Variants in TTC23 observed in about 807,000 individuals in gnomAD.
TTC23 encodes tetratricopeptide repeat protein 23.
A neutral mutation model predicts 55.1 loss-of-function variants in TTC23; 58 were observed. The ratio of observed to expected loss-of-function variants is 1.05; its 90% CI spans 0.85 to 1.31. The LOEUF (loss-of-function observed/expected upper bound fraction) is 1.31. Ranked by LOEUF, TTC23 falls within the 50% of genes most tolerant of loss-of-function variation. The probability of loss-of-function intolerance (pLI) is 0.00; values close to 1 mark genes in which losing one functional copy is unlikely to be tolerated. For missense variants in TTC23, 516 were observed against 534.4 expected (o/e 0.97, Z 0.34); for synonymous variants, 203 against 199.9 (o/e 1.02, Z -0.13).
At chr15:99,149,851 G>A (rs2069464876) in intron 12 of TTC23, among the ~76,000 whole-genome samples, 1 of 152,220 alleles carries the variant, frequency 6.6e-6, no homozygotes, top group African/African-American at 2.4e-5. Context: ...CCCACTGGGA[G>A]CCAGCAGTGA....
chr15:99,229,126 T>A lies in TTC23; in HGVS notation c.-20-394A>T, dbSNP rs773586935. Among the ~76,000 whole-genome samples, 5 of 150,786 alleles carry A rather than the reference T, an allele frequency of 3.3e-5. No individual in the cohort carries two copies. In the South Asian group the frequency reaches 8.4e-4, roughly 25 times the overall value. ...AGTAGAAATTAGCCTAGCACATACA[T>A]ATGTATTTGCATGTACATATATATA... On this transcript the variant is annotated intron_variant, in intron 4 of 13. Coordinates refer to ENST00000394132, the MANE Select transcript of TTC23 (RefSeq NM_001288615.3).
At chr15:99,250,784 C>T (rs185900100), upstream of TTC23, among the ~76,000 whole-genome samples, 1 of 152,110 alleles carries the variant, frequency 6.6e-6, no homozygotes, top group African/African-American at 2.4e-5. Flanking sequence ...TCAAAATAAA[C>T]CTTGGGTGTT....
chr15:99,174,422 T>C (rs951254058), intron 10 of TTC23, among the ~76,000 whole-genome samples: 3 of 151,574 alleles, frequency 2.0e-5, no homozygotes, highest in South Asian at 2.1e-4. Flanking sequence ...CACCCCTAGG[T>C]CTTCTTTATG....
intron 10 of TTC23, among the ~76,000 whole-genome samples, chr15:99,166,459 G>A (rs536121287): frequency 4.0e-4 from 61 of 152,174 alleles, no homozygotes; most frequent in Non-Finnish European, 4.9e-4. Context: ...CGGACGCCCA[G>A]TCATATTTTC....
chr15:99,247,892 T>C (rs913806039), intron 1 of TTC23, among the ~76,000 whole-genome samples: 2 of 152,174 alleles, frequency 1.3e-5, no homozygotes, highest in South Asian at 4.1e-4. Flanking sequence ...CATTGAGTTA[T>C]ATCCTTAAGA....
intron 4 of TTC23, among the ~76,000 whole-genome samples, chr15:99,231,501 T>G (rs1006865103): frequency 1.3e-5 from 2 of 151,012 alleles, no homozygotes; most frequent in African/African-American, 2.4e-5. Flanking sequence ...CTTAATTTTG[T>G]TTTTTTTTGA....
At chr15:99,214,549 C>A (rs2077303064) in intron 8 of TTC23, among the ~76,000 whole-genome samples, 2 of 150,170 alleles carry the variant, frequency 1.3e-5, no homozygotes, top group African/African-American at 4.9e-5. Flanking sequence ...CCTCAGTCTC[C>A]TGAGTAGCTA....
At chr15:99,184,381 G>C (rs904181883) in intron 9 of TTC23, among the ~76,000 whole-genome samples, 1 of 152,218 alleles carries the variant, frequency 6.6e-6, no homozygotes. Flanking sequence ...CCAAGAGGGG[G>C]GTTGTACCCT....
chr15:99,179,871 G>A (rs2073952517), intron 9 of TTC23, among the ~76,000 whole-genome samples: 1 of 152,244 alleles, frequency 6.6e-6, no homozygotes, highest in South Asian at 2.1e-4. Context: ...GGCTTCCTTA[G>A]GGAGTGAGTG....
chr15:99,245,513 CA>C lies in TTC23; in HGVS notation c.-430-4del, dbSNP rs35683833. 87,029 of 115,564 alleles carry C rather than the reference CA, an allele frequency of 0.75. 30,758 individuals are homozygous for C. The highest frequency in any genetic ancestry group is 0.85 in the Middle Eastern group (213 of 250). The allele number at this position is 115,564 out of a possible 1,614,324, so 7.2% of individuals were successfully genotyped here. A position where few individuals can be genotyped will look rare whatever the true frequency, so the allele number is the denominator to read the frequency against. The stretch of plus-strand genomic sequence containing the variant: ...TGGGTGACAGAGCGAGACTCCATCT[CA>C]AAAAAAAAAAAAAAAGAATTAATAT... On this transcript the variant is annotated splice_polypyrimidine_tract_variant and splice_region_variant and intron_variant, in intron 1 of 13. Coordinates refer to ENST00000394132, the MANE Select transcript of TTC23 (RefSeq NM_001288615.3).
intron 4 of TTC23, among the ~76,000 whole-genome samples, chr15:99,230,801 C>T (rs959863931): frequency 6.6e-6 from 1 of 152,094 alleles, no homozygotes; most frequent in Non-Finnish European, 1.5e-5. Context: ...AATAATTAAT[C>T]GCCAGAAGAC....
chr15:99,170,582 C>T (rs2072780628), intron 10 of TTC23, among the ~76,000 whole-genome samples: 1 of 152,150 alleles, frequency 6.6e-6, no homozygotes, highest in South Asian at 2.1e-4. Context: ...TCAGAAAGTC[C>T]TATGCTGTTG....
intron 4 of TTC23, among the ~76,000 whole-genome samples, chr15:99,229,134 T>C (rs1323301418): frequency 2.8e-5 from 4 of 145,058 alleles, no homozygotes; most frequent in African/African-American, 1.0e-4. Flanking sequence ...CATATGTATT[T>C]GCATGTACAT....
chr15:99,138,199 C>T (rs1371211477), intron 13 of TTC23, 72 bp from the exon 14 acceptor site: 7 of 1,581,506 alleles, frequency 4.4e-6, no homozygotes, highest in Non-Finnish European at 6.0e-6. Flanking sequence ...CCAGCCTTTG[C>T]TGCCCAGCAG....
chr15:99,204,273 C>A (rs1325559582), intron 8 of TTC23, among the ~76,000 whole-genome samples: 1 of 152,098 alleles, frequency 6.6e-6, no homozygotes, highest in African/African-American at 2.4e-5. Context: ...ACTTGTTGGT[C>A]ATTTGCATGT....
At chr15:99,199,821 A>T in intron 9 of TTC23, 98 bp downstream of exon 9, 1 of 1,265,616 alleles carries the variant, frequency 7.9e-7, no homozygotes, top group East Asian at 2.4e-5. Context: ...TCTAGAGCAA[A>T]TGACAAAGCC....
At chr15:99,225,256 G>C (rs2078298144) in intron 5 of TTC23, among the ~76,000 whole-genome samples, 1 of 152,150 alleles carries the variant, frequency 6.6e-6, no homozygotes, top group Non-Finnish European at 1.5e-5. Flanking sequence ...ATCCCTATTG[G>C]TTTTCCAACC....
At chr15:99,236,187 T>C (rs1193341458) in intron 3 of TTC23, among the ~76,000 whole-genome samples, 2 of 152,238 alleles carry the variant, frequency 1.3e-5, no homozygotes, top group African/African-American at 2.4e-5. Context: ...ATGATAATTA[T>C]GTTTTTAGTT....
intron 8 of TTC23, among the ~76,000 whole-genome samples, chr15:99,207,583 C>A (rs1027801949): frequency 6.6e-6 from 1 of 152,088 alleles, no homozygotes; most frequent in Non-Finnish European, 1.5e-5. Flanking sequence ...ACGGTGAAAC[C>A]CCGTCTCTAC....
Sources: allele counts gnomAD v4.1 joint callset (sites outside exome capture counted in the v4.1 genomes callset), GRCh38; gene constraint gnomAD v4.1.1; transcripts MANE v1.5; gene names NCBI Gene and HGNC (gene_info 2026-07-23, HGNC 2026-07-21).